TDRD12: variants seen among roughly 807,000 people sequenced by gnomAD.
The protein encoded by TDRD12 is putative ATP-dependent RNA helicase TDRD12.
A neutral mutation model predicts 133.5 loss-of-function variants in TDRD12; 158 were observed. The observed-to-expected ratio is 1.18, with a 90% CI of 1.04 to 1.35. The LOEUF (loss-of-function observed/expected upper bound fraction) is 1.35. Ranked by LOEUF, TDRD12 falls within the 40% of genes most tolerant of loss-of-function variation. TDRD12 has a pLI of 0.00. For synonymous variants in TDRD12, 460 were observed against 477.9 expected, an observed-to-expected ratio of 0.96 and a Z score of 0.49; for missense variants, 1,443 against 1,321.3, an observed-to-expected ratio of 1.09 and a Z score of -1.43.
intron 11 of TDRD12, among the ~76,000 whole-genome samples, chr19:32,781,758 C>T (rs954118961): frequency 3.3e-5 from 5 of 150,810 alleles, no homozygotes; most frequent in Non-Finnish European, 7.4e-5. Context: ...TGGAAGTTTC[C>T]TGATGTTGTG....
chr19:32,803,278 A>C (rs990197387), intron 21 of TDRD12, 136 bp downstream of exon 21: 3 of 623,984 alleles, frequency 4.8e-6, no homozygotes, highest in East Asian at 2.9e-5. Context: ...GTTCCCTCGC[A>C]CTCTTCCCCA....
At chr19:32,758,392 A>C (rs1432978058) in intron 8 of TDRD12, among the ~76,000 whole-genome samples, 2 of 152,288 alleles carry the variant, frequency 1.3e-5, no homozygotes, top group South Asian at 4.1e-4. Context: ...CAACTAGGAA[A>C]GGGTAGGTGC....
chr19:32,795,115 A>C lies in TDRD12; in HGVS notation c.1473+302A>C, dbSNP rs1474440482. On this transcript the variant is annotated intron_variant, in intron 14 of 27. Transcript: ENST00000444215. ...TTTGGGAGGCCGAGGCGAGTGGATC[A>C]TCTGAGGTCAGGAGTTCGAGACCAG... Among the ~76,000 whole-genome samples, 4 of 152,120 alleles carry C rather than the reference A, an allele frequency of 2.6e-5. No individual in the cohort carries two copies. In the East Asian group the frequency reaches 7.7e-4, roughly 29 times the overall value.
Position 32,728,200 on chromosome 19 carries a change from C to T in TDRD12, c.25-3525C>T, listed in dbSNP as rs561385796. On this transcript the variant is annotated intron_variant, in intron 1 of 27. Transcript: ENST00000444215. The stretch of plus-strand genomic sequence containing the variant: ...TAAAGTTTTGTGATCAAGTGTGAGT[C>T]CTCCAGCTTTGTTCTTTTTTGATAT... Among the ~76,000 whole-genome samples the T allele has an allele frequency of 3.3e-5, 5 of 152,226 alleles. No individual in the cohort carries two copies. In the South Asian group the frequency reaches 1.0e-3, roughly 32 times the overall value.
intron 13 of TDRD12, among the ~76,000 whole-genome samples, chr19:32,793,185 C>CAATAATAATAATAATAAT (rs36078920): frequency 1.7e-4 from 26 of 149,340 alleles, no homozygotes; most frequent in African/African-American, 5.7e-4. Flanking sequence ...ACTCTGTCTA[C>CAATAATAATAATAATAAT]AATAATAATA....
chr19:32,736,187 A>G (rs1479630107), intron 2 of TDRD12, among the ~76,000 whole-genome samples: 2 of 152,364 alleles, frequency 1.3e-5, no homozygotes, highest in South Asian at 2.1e-4. Flanking sequence ...ACATCTGTTC[A>G]CGCATGGCTT....
chr19:32,811,632 C>T (rs892249684), intron 24 of TDRD12, among the ~76,000 whole-genome samples: 1 of 152,180 alleles, frequency 6.6e-6, no homozygotes, highest in East Asian at 1.9e-4. Context: ...TGTCCTTGTG[C>T]TTACGGTCAC....
chr19:32,798,589 G>A (rs916508643), intron 16 of TDRD12, among the ~76,000 whole-genome samples, 154 bp downstream of exon 16: 1 of 152,182 alleles, frequency 6.6e-6, no homozygotes, highest in African/African-American at 2.4e-5. Flanking sequence ...AAGAAAGAAT[G>A]GTTATGTGAA....
rs72329016 is a variant in TDRD12 at position 32,739,296 on chromosome 19, ACT to A, written c.320+309_320+310del. ...TGGCTGCTCTCTGCATCTCCTGGCT[ACT>A]CTCTGCATCTCATGGCTACTCTCTG... is the stretch of plus-strand genomic sequence containing the variant. On this transcript the variant is annotated intron_variant, in intron 3 of 27. Transcript: ENST00000444215. 5.6e-3 allele frequency among the ~76,000 whole-genome samples: 750 copies of A among 134,646 alleles called. 9 individuals are homozygous for A. Among genetic ancestry groups the A allele is most frequent in the African/African-American group, 0.02 (706 of 35,482 alleles). The allele number at this position is 134,646 out of a possible 152,430, so 88.3% of individuals were successfully genotyped here.
chr19:32,795,993 A>G, intron 14 of TDRD12: 2 of 232,920 alleles, frequency 8.6e-6, no homozygotes, highest in Non-Finnish European at 1.4e-5. Flanking sequence ...ACTGGGGATT[A>G]CATTTAACAT....
intron 11 of TDRD12, among the ~76,000 whole-genome samples, chr19:32,781,573 C>T (rs974576922): frequency 3.9e-5 from 6 of 152,210 alleles, no homozygotes; most frequent in Non-Finnish European, 8.8e-5. Flanking sequence ...ATTATCTTCA[C>T]ACTTGATCAA....
chr19:32,783,039 A>G (rs944629571), intron 11 of TDRD12, among the ~76,000 whole-genome samples: 7 of 152,112 alleles, frequency 4.6e-5, no homozygotes, highest in East Asian at 1.9e-4. Flanking sequence ...GTCTTTGCCC[A>G]TGCTTGTGTC....
At chr19:32,743,028 T>G (rs1312501954) in intron 4 of TDRD12, 128 bp downstream of exon 4, 1 of 1,157,456 alleles carries the variant, frequency 8.6e-7, no homozygotes, top group Non-Finnish European at 1.2e-6. Context: ...AGGAGGGGCT[T>G]CTGAGTCAGT....
rs6510288 is a variant in TDRD12 at position 32,779,250 on chromosome 19, A to C, written c.1121+2021A>C. On this transcript the variant is annotated intron_variant, in intron 11 of 27. Coordinates refer to ENST00000444215, the Ensembl canonical transcript of TDRD12. Reference sequence around the variant, plus strand: ...CAGAGGGGCACAGGGACCTTGGCTCATTGCCAGGGGCCAGGTGTCCCACTA... The same window carrying C: ...CAGAGGGGCACAGGGACCTTGGCTCCTTGCCAGGGGCCAGGTGTCCCACTA... Among the ~76,000 whole-genome samples the C allele has an allele frequency of 5.8e-3, 879 of 152,166 alleles. 9 individuals are homozygous for C. Among genetic ancestry groups the C allele is most frequent in the African/African-American group, 0.02 (829 of 41,536 alleles).
exon 8 of TDRD12, chr19:32,826,305 A>T: frequency 1.4e-6 from 2 of 1,423,338 alleles, no homozygotes; most frequent in Middle Eastern, 3.6e-4. Flanking sequence ...GATAAGAATA[A>T]GGAATGTAAA....
chr19:32,720,186 TCCGCACAGCTTCCTACACCCACCGCAGCC>T, intron 1 of TDRD12, 90 bp downstream of exon 1: 2 of 1,048,690 alleles, frequency 1.9e-6, no homozygotes, highest in Non-Finnish European at 2.4e-6. Flanking sequence ...CCACCCCAGC[TCCGCACAGCTTCCTACACCCACCGCAGCC>T]CCGCACAGCC....
chr19:32,820,926 G>A, intron 27 of TDRD12, 107 bp from the exon 28 acceptor site: 1 of 829,758 alleles, frequency 1.2e-6, no homozygotes, highest in Non-Finnish European at 1.9e-6. Context: ...ACGTGGGTCT[G>A]ACTCCACGGC....
chr19:32,744,665 T>A (rs992736445), intron 4 of TDRD12, among the ~76,000 whole-genome samples: 4 of 152,124 alleles, frequency 2.6e-5, no homozygotes, highest in African/African-American at 9.7e-5. Flanking sequence ...ATCCCTGCCC[T>A]GGGCAGTTCC....
intron 4 of TDRD12, 93 bp downstream of exon 4, chr19:32,742,993 G>T: frequency 6.9e-7 from 1 of 1,454,628 alleles, no homozygotes. Context: ...CTGTAGAAGT[G>T]CTGAGCAGGA....
Sources: allele counts gnomAD v4.1 joint callset (sites outside exome capture counted in the v4.1 genomes callset), GRCh38; gene constraint gnomAD v4.1.1; transcripts MANE v1.5; gene names NCBI Gene and HGNC (gene_info 2026-07-23, HGNC 2026-07-21).